Variants in MAML2 observed in about 807,000 individuals in gnomAD.
MAML2 encodes mastermind-like protein 2.
A neutral mutation model predicts 96.1 loss-of-function variants in MAML2; 22 were observed. The ratio of observed to expected loss-of-function variants is 0.23; its 90% CI spans 0.16 to 0.33. The LOEUF is 0.33. Among genes scored for constraint, MAML2 ranks in the 10% least tolerant of loss-of-function variants. The probability of loss-of-function intolerance (pLI) is 1.00; values close to 1 mark genes in which losing one functional copy is unlikely to be tolerated. For missense variants in MAML2, 1,367 were observed against 1,392.4 expected, an observed-to-expected ratio of 0.98 and a Z score of 0.29; for synonymous variants, 561 against 521.3, an observed-to-expected ratio of 1.08 and a Z score of -1.04.
At chr11:96,290,771 T>C (rs1863197406) in intron 1 of MAML2, among the ~76,000 whole-genome samples, 1 of 152,204 alleles carries the variant, frequency 6.6e-6, no homozygotes, top group African/African-American at 2.4e-5. Context: ...ATGATCCAAC[T>C]CCTGTCTGTA....
chr11:96,085,535 C>T (rs1327553399), intron 2 of MAML2, among the ~76,000 whole-genome samples: 1 of 152,200 alleles, frequency 6.6e-6, no homozygotes, highest in Non-Finnish European at 1.5e-5. Context: ...GAGTCACCTA[C>T]ATTAATGCAC....
At chr11:96,041,174 G>A (rs1349043677) in intron 2 of MAML2, among the ~76,000 whole-genome samples, 1 of 151,930 alleles carries the variant, frequency 6.6e-6, no homozygotes, top group Non-Finnish European at 1.5e-5. Flanking sequence ...AAGTAGGTTG[G>A]TTACAGCAGG....
chr11:96,192,934 T>C (rs182450065), intron 1 of MAML2, among the ~76,000 whole-genome samples: 10 of 152,368 alleles, frequency 6.6e-5, no homozygotes, highest in African/African-American at 2.4e-4. Context: ...ATCAAAATTC[T>C]GGTGGAGCGT....
rs1355987281 is a variant in MAML2, at chr11:96,091,958, T to G, written c.2073A>C (p.Leu691=). 6.2e-7 allele frequency: 1 copy of G among 1,611,162 alleles called. No homozygotes were observed. Among genetic ancestry groups the G allele is most frequent in the Non-Finnish European group, 8.5e-7 (1 of 1,178,770 alleles). The change falls in exon 2 of 5, where the codon CTA becomes CTC. Residue 691 remains leucine (L), a synonymous_variant. Transcript: ENST00000524717. ...RSPLPLQQKL[L]LQQMQNQPIA... Reference sequence around the variant, plus strand: ...TGGGCTGATTCTGCATTTGCTGAAGTAGGAGCTTTTGCTGAAGTGGCAAAG... The same window carrying G: ...TGGGCTGATTCTGCATTTGCTGAAGGAGGAGCTTTTGCTGAAGTGGCAAAG...
At chr11:95,980,713 A>G (rs561351361) in intron 4 of MAML2, among the ~76,000 whole-genome samples, 3 of 152,282 alleles carry the variant, frequency 2.0e-5, no homozygotes, top group African/African-American at 7.2e-5. Flanking sequence ...ACTTTCTTTT[A>G]TCTTCCAGCC....
rs34658278 is a variant in MAML2 at position 96,312,219 on chromosome 11, C to CAAAAAAAAAAAAAAAAAAAAAAA, written c.513+29141_513+29163dup. 2.3e-4 allele frequency among the ~76,000 whole-genome samples: 12 copies of CAAAAAAAAAAAAAAAAAAAAAAA among 51,560 alleles called. 1 individual carries two copies. The highest frequency in any genetic ancestry group is 3.2e-4 in the Non-Finnish European group (10 of 31,168). The allele number at this position is 51,560 out of a possible 152,430, so 33.8% of individuals were successfully genotyped here. Reference sequence around the variant, plus strand: ...TGGGCGACAGAGCAAGACTCTATCTCAAAAAAAAAAAAAAAAAAAAAAAAA... The same window carrying CAAAAAAAAAAAAAAAAAAAAAAA: ...TGGGCGACAGAGCAAGACTCTATCTCAAAAAAAAAAAAAAAAAAAAAAAAAAAAAAAAAAAAAAAAAAAAAAAA... On this transcript the variant is annotated intron_variant, in intron 1 of 4. Transcript: ENST00000524717.
chr11:96,064,794 G>A (rs1859219938), intron 2 of MAML2, among the ~76,000 whole-genome samples: 2 of 152,178 alleles, frequency 1.3e-5, no homozygotes, highest in Admixed American at 1.3e-4. Context: ...AAAGTGCTTA[G>A]AACAGTGCCT....
intron 1 of MAML2, among the ~76,000 whole-genome samples, chr11:96,096,650 G>A (rs995793084): frequency 3.3e-5 from 5 of 152,126 alleles, no homozygotes; most frequent in Admixed American, 1.3e-4. Context: ...CAGGGATCTC[G>A]TCCCGATTCT....
At chr11:96,216,893 G>C (rs1444001229) in intron 1 of MAML2, among the ~76,000 whole-genome samples, 1 of 152,148 alleles carries the variant, frequency 6.6e-6, no homozygotes, top group Non-Finnish European at 1.5e-5. Flanking sequence ...AAAAGCAAAG[G>C]TTCACCAGGA....
chr11:96,003,242 G>T (rs1858126385), intron 2 of MAML2, among the ~76,000 whole-genome samples: 1 of 152,066 alleles, frequency 6.6e-6, no homozygotes, highest in South Asian at 2.1e-4. Context: ...GTGTTGGAAG[G>T]CAGGGAGAAG....
intron 2 of MAML2, among the ~76,000 whole-genome samples, chr11:96,004,640 A>T (rs568450526): frequency 6.6e-6 from 1 of 152,290 alleles, no homozygotes; most frequent in African/African-American, 2.4e-5. Context: ...TGTAGTTAGA[A>T]TGTCTGTGTG....
At chr11:96,285,543 C>A (rs893823494) in intron 1 of MAML2, among the ~76,000 whole-genome samples, 1 of 152,106 alleles carries the variant, frequency 6.6e-6, no homozygotes, top group African/African-American at 2.4e-5. Context: ...AGACAACCTA[C>A]AGAATGGAAG....
intron 1 of MAML2, among the ~76,000 whole-genome samples, chr11:96,101,987 C>T (rs998066377): frequency 6.6e-6 from 1 of 152,138 alleles, no homozygotes; most frequent in Admixed American, 6.5e-5. Context: ...TCTTAAAATA[C>T]TGTTTTCAGC....
chr11:96,106,024 G>A (rs1378333943), intron 1 of MAML2, among the ~76,000 whole-genome samples: 1 of 152,168 alleles, frequency 6.6e-6, no homozygotes, highest in East Asian at 1.9e-4. Flanking sequence ...CCCACTACTT[G>A]CCACTTATGG....
chr11:96,281,037 G>A (rs562605742), intron 1 of MAML2, among the ~76,000 whole-genome samples: 15 of 152,226 alleles, frequency 9.9e-5, no homozygotes, highest in African/African-American at 2.9e-4. Context: ...AGTACATTAA[G>A]CATCATTAAT....
intron 4 of MAML2, among the ~76,000 whole-genome samples, chr11:95,981,077 A>C (rs1251722559): frequency 1.3e-5 from 2 of 152,184 alleles, no homozygotes; most frequent in Non-Finnish European, 2.9e-5. Context: ...CCTGGAATTC[A>C]ATCTGTGAGG....
chr11:96,261,555 A>C (rs964488910), intron 1 of MAML2, among the ~76,000 whole-genome samples: 1 of 152,232 alleles, frequency 6.6e-6, no homozygotes, highest in African/African-American at 2.4e-5. Flanking sequence ...ATTTTCCTAC[A>C]TGAGCCGAAG....
At position 96,341,488 on chromosome 11, in the gene MAML2, C is replaced by G; in HGVS notation, c.408G>C (p.Gln136His). 6.4e-7 allele frequency: 1 copy of G among 1,551,362 alleles called. No individual in the cohort carries two copies. Reference protein sequence around the residue: ...PPPDYHHHHQQHLLNSSNNGG... With the variant: ...PPPDYHHHHQHHLLNSSNNGG... ...CATTATTGCTACTGTTCAGCAGGTG[C>G]TGCTGGTGGTGATGGTGATAGTCTG... Residue 136 changes from glutamine to histidine, a missense_variant, in exon 1 of 5, where the codon CAG becomes CAC. Gln to His is a conservative substitution (Grantham distance 24, BLOSUM62 0). Transcript: ENST00000524717.
chr11:96,062,586 A>G (rs1480741556), intron 2 of MAML2, among the ~76,000 whole-genome samples: 1 of 152,192 alleles, frequency 6.6e-6, no homozygotes, highest in African/African-American at 2.4e-5. Context: ...AGGAAGGGAA[A>G]TGTAGAATCC....
Sources: gnomAD v4.1 joint callset for allele counts (sites outside exome capture counted in the v4.1 genomes callset) on GRCh38, gnomAD v4.1.1 for gene constraint, MANE v1.5 for transcripts, NCBI Gene and HGNC (gene_info 2026-07-23, HGNC 2026-07-21) for gene names.